The following SDK1 variants were observed in gnomAD, a reference collection of about 807,000 sequenced individuals.
SDK1 encodes protein sidekick-1.
SDK1 carries 157 observed loss-of-function variants against 245.5 expected under a neutral mutation model. The observed-to-expected ratio is 0.64, with a 90% CI of 0.56 to 0.73. The LOEUF (loss-of-function observed/expected upper bound fraction) is 0.73. Among genes scored for constraint, SDK1 ranks in the 30% least tolerant of loss-of-function variants. The pLI is 0.00. For missense variants in SDK1, 3,583 were observed against 3,002.3 expected, an observed-to-expected ratio of 1.19 and a Z score of -4.52; for synonymous variants, 1,647 against 1,278.5, an observed-to-expected ratio of 1.29 and a Z score of -6.15.
At chr7:3,615,163 C>A (rs1407495184) in intron 1 of SDK1, among the ~76,000 whole-genome samples, 1 of 151,550 alleles carries the variant, frequency 6.6e-6, no homozygotes, top group African/African-American at 2.4e-5. Context: ...TCGTGTAGGA[C>A]ACTGGAACCA....
chr7:4,251,123 T>C (rs747946737), intron 44 of SDK1, among the ~76,000 whole-genome samples: 3 of 152,230 alleles, frequency 2.0e-5, no homozygotes, highest in Non-Finnish European at 2.9e-5. Flanking sequence ...TATCAGTACT[T>C]CATTTCTATA....
chr7:3,861,404 G>A (rs1780689206), intron 5 of SDK1, among the ~76,000 whole-genome samples: 1 of 152,130 alleles, frequency 6.6e-6, no homozygotes, highest in Non-Finnish European at 1.5e-5. Context: ...GATTGTTTTG[G>A]TGCTTGTAGG....
intron 4 of SDK1, among the ~76,000 whole-genome samples, chr7:3,650,147 T>C (rs1782965302): frequency 6.6e-6 from 1 of 152,186 alleles, no homozygotes; most frequent in Admixed American, 6.5e-5. Flanking sequence ...GCTCCTGGGC[T>C]CAAGCCGTCC....
At position 4,074,852 on chromosome 7, in the gene SDK1, G is replaced by GACTT. The variant is rs201308865; in HGVS notation, c.3011-2145_3011-2142dup. 8.2e-3 allele frequency among the ~76,000 whole-genome samples: 511 copies of GACTT among 62,518 alleles called. 27 individuals are homozygous for GACTT. The highest frequency in any genetic ancestry group is 0.036 in the African/African-American group (382 of 10,724). 41.0% of individuals were successfully genotyped at this position (62,518 alleles called of 152,430 possible). A position where few individuals can be genotyped will look rare whatever the true frequency, so the allele number is the denominator to read the frequency against. ...CACTCCAGCCTGGGCAACAGAGCAAGACTTTCTCTCTCTCTCTCTCTCTCT... is the reference window on the plus strand; with the variant it reads ...CACTCCAGCCTGGGCAACAGAGCAAGACTTACTTTCTCTCTCTCTCTCTCTCTCT... On this transcript the variant is annotated intron_variant, in intron 20 of 44. Coordinates refer to ENST00000404826, the MANE Select transcript of SDK1 (RefSeq NM_152744.4).
At chr7:3,391,871 C>G (rs145687275) in intron 1 of SDK1, among the ~76,000 whole-genome samples, 34 of 151,778 alleles carry the variant, frequency 2.2e-4, no homozygotes, top group African/African-American at 7.7e-4. Flanking sequence ...TCAAGCAATG[C>G]ACCTGCGTTG....
At chr7:3,822,909 C>T (rs1304451533) in intron 5 of SDK1, among the ~76,000 whole-genome samples, 13 of 152,098 alleles carry the variant, frequency 8.5e-5, no homozygotes, top group Non-Finnish European at 1.8e-4. Flanking sequence ...GTGCAGGCGT[C>T]TGTGGGAGTT....
At chr7:3,819,477 C>G (rs547487402) in intron 4 of SDK1, among the ~76,000 whole-genome samples, 4 of 151,712 alleles carry the variant, frequency 2.6e-5, no homozygotes, top group South Asian at 2.1e-4. Context: ...AATCAGATGT[C>G]AAAGAAAAAG....
chr7:4,048,528 G>T (rs1789193857), intron 17 of SDK1, among the ~76,000 whole-genome samples: 1 of 151,502 alleles, frequency 6.6e-6, no homozygotes, highest in Admixed American at 6.6e-5. Flanking sequence ...TCCTCGCCAG[G>T]CTCCTTGGCA....
At chr7:3,634,327 G>C (rs974497856) in intron 2 of SDK1, among the ~76,000 whole-genome samples, 10 of 152,152 alleles carry the variant, frequency 6.6e-5, no homozygotes, top group Admixed American at 6.5e-4. Context: ...GAAATTCTAG[G>C]GTTGGTCCAG....
At chr7:4,138,362 C>T (rs1182344552) in intron 28 of SDK1, among the ~76,000 whole-genome samples, 1 of 152,148 alleles carries the variant, frequency 6.6e-6, no homozygotes, top group Admixed American at 6.5e-5. Flanking sequence ...GGAAAACATG[C>T]TTTTGTTATG....
At chr7:4,152,189 T>G (rs1780429630) in intron 30 of SDK1, among the ~76,000 whole-genome samples, 1 of 152,104 alleles carries the variant, frequency 6.6e-6, no homozygotes, top group Non-Finnish European at 1.5e-5. Context: ...AATAAGGCAA[T>G]CGGAAGAGTC....
At chr7:3,669,378 C>CAA (rs1360714116) in intron 4 of SDK1, among the ~76,000 whole-genome samples, 3 of 151,880 alleles carry the variant, frequency 2.0e-5, no homozygotes, top group Non-Finnish European at 4.4e-5. Context: ...ACCTTCTTAC[C>CAA]CCCTTTTCAT....
chr7:3,479,065 C>T (rs778525270), intron 1 of SDK1, among the ~76,000 whole-genome samples: 12 of 152,162 alleles, frequency 7.9e-5, no homozygotes, highest in Non-Finnish European at 1.6e-4. Context: ...CTTGTTGAGA[C>T]TGACTTCATG....
At chr7:3,420,073 C>G (rs1053221345) in intron 1 of SDK1, among the ~76,000 whole-genome samples, 1 of 152,194 alleles carries the variant, frequency 6.6e-6, no homozygotes. Flanking sequence ...CAGTGGCAAA[C>G]TGGAGAGCTT....
intron 2 of SDK1, among the ~76,000 whole-genome samples, chr7:3,637,250 AC>A (rs371948286): frequency 5.1e-4 from 78 of 152,068 alleles, no homozygotes; most frequent in African/African-American, 1.9e-3. Context: ...GGCGTGTGCC[AC>A]CACACCTGCT....
At chr7:3,795,281 A>C (rs1474521937) in intron 4 of SDK1, among the ~76,000 whole-genome samples, 1 of 152,020 alleles carries the variant, frequency 6.6e-6, no homozygotes, top group African/African-American at 2.4e-5. Flanking sequence ...CCTTAGAGGC[A>C]TGTTGGATAG....
intron 5 of SDK1, among the ~76,000 whole-genome samples, chr7:3,876,244 A>C (rs930480482): frequency 2.9e-4 from 44 of 152,326 alleles, no homozygotes; most frequent in African/African-American, 1.0e-3. Flanking sequence ...AACTTTGTTC[A>C]AAGTATTTCT....
intron 27 of SDK1, among the ~76,000 whole-genome samples, chr7:4,132,068 C>T (rs965105161): frequency 3.9e-5 from 6 of 152,102 alleles, no homozygotes; most frequent in Admixed American, 2.6e-4. Context: ...TGGCATAGTT[C>T]GTGAACCCTG....
chr7:4,153,236 C>CT lies in SDK1; in HGVS notation c.4625+3787dup, dbSNP rs60694957. ...GGCCCTAGCTCCTTTTGACTGATTT[C>CT]TTTTTTTTTTTTTTCTTTTTCCGTA... On this transcript the variant is annotated intron_variant, in intron 30 of 44. Coordinates refer to ENST00000404826, the MANE Select transcript of SDK1 (RefSeq NM_152744.4). Among the ~76,000 whole-genome samples the CT allele has an allele frequency of 1.8e-3, 256 of 143,498 alleles. 1 individual carries two copies. Among genetic ancestry groups the CT allele is most frequent in the Middle Eastern group, 0.011 (3 of 272 alleles). The allele number at this position is 143,498 out of a possible 152,430, so 94.1% of individuals were successfully genotyped here.
Sources: gnomAD v4.1 joint callset for allele counts (sites outside exome capture counted in the v4.1 genomes callset) on GRCh38, gnomAD v4.1.1 for gene constraint, MANE v1.5 for transcripts, NCBI Gene and HGNC (gene_info 2026-07-23, HGNC 2026-07-21) for gene names.